The following DOCK3 variants were observed in gnomAD, a reference collection of about 807,000 sequenced individuals.
DOCK3 encodes dedicator of cytokinesis protein 3.
In DOCK3, 60 loss-of-function variants were observed where a neutral mutation model predicts 265.6. That is an observed-to-expected ratio of 0.23 (90% CI 0.18 to 0.28). DOCK3 has a LOEUF of 0.28. Ranked by LOEUF, DOCK3 falls within the 10% of genes least tolerant of loss-of-function variation. The pLI is 1.00. For missense variants in DOCK3, 1,981 were observed against 2,594.3 expected (o/e 0.76, Z 5.14); for synonymous variants, 881 against 938.0 (o/e 0.94, Z 1.11).
chr3:51,312,933 A>G (rs1403881151), intron 31 of DOCK3, 31 bp downstream of exon 31: 1 of 1,568,710 alleles, frequency 6.4e-7, no homozygotes, highest in Non-Finnish European at 8.7e-7. Context: ...CTTCCCTTCT[A>G]TATATTGCAT....
rs572065760 is a variant in DOCK3, at chr3:50,695,454, A to G, written c.37+20154A>G. 7.9e-5 allele frequency among the ~76,000 whole-genome samples: 12 copies of G among 152,272 alleles called. No individual in the cohort carries two copies. In the South Asian group the frequency reaches 2.5e-3, roughly 32 times the overall value. The stretch of plus-strand genomic sequence containing the variant: ...AAAGCCAAATTTTATACCCCCTCCA[A>G]TATTGCCATTTACTACTGGTTTCTT... On this transcript the variant is annotated intron_variant, in intron 1 of 52. Transcript: ENST00000266037.
At chr3:51,351,103 C>A (rs1353440900) in intron 40 of DOCK3, among the ~76,000 whole-genome samples, 1 of 152,208 alleles carries the variant, frequency 6.6e-6, no homozygotes, top group Non-Finnish European at 1.5e-5. Flanking sequence ...TTCAGCACAA[C>A]TCAGAGGCTC....
intron 7 of DOCK3, among the ~76,000 whole-genome samples, chr3:51,078,723 ATTTT>A (rs1247425735): frequency 6.6e-6 from 1 of 152,182 alleles, no homozygotes; most frequent in Non-Finnish European, 1.5e-5. Context: ...CCTAAAGAAA[ATTTT>A]GGTCACTCAG....
At chr3:50,933,252 T>A (rs1013057090) in intron 4 of DOCK3, among the ~76,000 whole-genome samples, 1 of 152,146 alleles carries the variant, frequency 6.6e-6, no homozygotes, top group Non-Finnish European at 1.5e-5. Flanking sequence ...CATTTTAGAT[T>A]TATTACTGTC....
intron 17 of DOCK3, 113 bp downstream of exon 17, chr3:51,228,201 T>C: frequency 2.0e-6 from 2 of 1,018,516 alleles, no homozygotes. Flanking sequence ...CCAAGGGAAG[T>C]GCACTGGTGG....
chr3:51,011,931 G>C (rs1347746389), intron 5 of DOCK3, among the ~76,000 whole-genome samples: 1 of 152,222 alleles, frequency 6.6e-6, no homozygotes, highest in Non-Finnish European at 1.5e-5. Context: ...AGATGCTCCA[G>C]AACAGCGAAT....
intron 9 of DOCK3, among the ~76,000 whole-genome samples, chr3:51,115,560 G>A (rs530695293): frequency 6.6e-6 from 1 of 152,120 alleles, no homozygotes; most frequent in Non-Finnish European, 1.5e-5. Flanking sequence ...TGTCAGATAG[G>A]TAGATGGGAA....
At chr3:51,199,921 CAG>C (rs1197561248) in intron 12 of DOCK3, among the ~76,000 whole-genome samples, 2 of 152,206 alleles carry the variant, frequency 1.3e-5, no homozygotes. Context: ...CCCAGGCAAA[CAG>C]GGTCTGGAGT....
At chr3:50,928,431 G>A (rs1251277146) in intron 4 of DOCK3, among the ~76,000 whole-genome samples, 2 of 152,034 alleles carry the variant, frequency 1.3e-5, no homozygotes, top group African/African-American at 4.8e-5. Context: ...TATTTCACTA[G>A]CATAGTGCTT....
At chr3:51,337,396 T>G (rs1315570385) in intron 35 of DOCK3, among the ~76,000 whole-genome samples, 3 of 152,210 alleles carry the variant, frequency 2.0e-5, no homozygotes, top group Non-Finnish European at 4.4e-5. Flanking sequence ...TGCTCTTCAC[T>G]GGGCCCTGTG....
chr3:50,873,520 T>C (rs2107599730), intron 3 of DOCK3, among the ~76,000 whole-genome samples: 1 of 152,144 alleles, frequency 6.6e-6, no homozygotes, highest in East Asian at 1.9e-4. Flanking sequence ...AAGGGAGAGG[T>C]GATGCCAGCA....
At chr3:51,068,732 A>T (rs1377740421) in intron 6 of DOCK3, among the ~76,000 whole-genome samples, 1 of 152,082 alleles carries the variant, frequency 6.6e-6, no homozygotes, top group African/African-American at 2.4e-5. Flanking sequence ...GAACCTTATC[A>T]TCTATCTAAT....
intron 49 of DOCK3, among the ~76,000 whole-genome samples, chr3:51,373,597 T>C (rs2087854016): frequency 6.6e-6 from 1 of 152,210 alleles, no homozygotes; most frequent in African/African-American, 2.4e-5. Flanking sequence ...GACCTACGGC[T>C]ATGGTCTGAA....
At chr3:50,757,570 G>A (rs995974008) in intron 1 of DOCK3, among the ~76,000 whole-genome samples, 4 of 150,980 alleles carry the variant, frequency 2.6e-5, no homozygotes, top group Admixed American at 6.6e-5. Context: ...TCTCCATTTT[G>A]TAGGTTGTCT....
At chr3:50,759,115 C>T (rs547500547) in intron 1 of DOCK3, among the ~76,000 whole-genome samples, 8 of 152,098 alleles carry the variant, frequency 5.3e-5, no homozygotes, top group Admixed American at 2.0e-4. Context: ...TGGATATATA[C>T]GCAGAAGTGG....
At chr3:51,295,522 G>A (rs769870196) in intron 27 of DOCK3, among the ~76,000 whole-genome samples, 8 of 152,058 alleles carry the variant, frequency 5.3e-5, no homozygotes, top group Non-Finnish European at 8.8e-5. Context: ...CCAAACCATT[G>A]CAAATGTAGA....
At chr3:50,909,138 G>A (rs979206080) in intron 4 of DOCK3, among the ~76,000 whole-genome samples, 4 of 151,910 alleles carry the variant, frequency 2.6e-5, no homozygotes, top group South Asian at 4.2e-4. Context: ...TCCTGAAGAC[G>A]GCATACCAAT....
In DOCK3 at chr3:50,900,294, C is replaced by G. The variant is rs187941111; in HGVS notation, c.218+10213C>G. Among the ~76,000 whole-genome samples, 23 of 152,214 alleles carry G rather than the reference C, an allele frequency of 1.5e-4. No individual in the cohort carries two copies. In the South Asian group the frequency reaches 4.8e-3, roughly 32 times the overall value. On this transcript the variant is annotated intron_variant, in intron 4 of 52. Transcript: ENST00000266037. Reference sequence around the variant, plus strand: ...GCTATTGATACTTGTGTATGCTTCACGAAGTTCTTGTGCTGTGTTTTTTAG... The same window carrying G: ...GCTATTGATACTTGTGTATGCTTCAGGAAGTTCTTGTGCTGTGTTTTTTAG...
intron 27 of DOCK3, among the ~76,000 whole-genome samples, chr3:51,303,704 G>C (rs549413718): frequency 1.3e-5 from 2 of 152,300 alleles, no homozygotes; most frequent in East Asian, 3.9e-4. Context: ...GTTCACTCCA[G>C]ACCCTATTCA....
Sources: allele counts gnomAD v4.1 joint callset (sites outside exome capture counted in the v4.1 genomes callset), GRCh38; gene constraint gnomAD v4.1.1; transcripts MANE v1.5; gene names NCBI Gene and HGNC (gene_info 2026-07-23, HGNC 2026-07-21).